VWC2: variants seen among roughly 807,000 people sequenced by gnomAD.
VWC2 encodes von Willebrand factor C domain containing 2.
Under a neutral mutation model 29.8 loss-of-function variants are expected in VWC2, and 14 were observed. The observed-to-expected ratio is 0.47, with a 90% CI of 0.31 to 0.74. The LOEUF (loss-of-function observed/expected upper bound fraction) is 0.74, where lower values mean the gene tolerates loss of function less well. Ranked by LOEUF, VWC2 falls within the 30% of genes least tolerant of loss-of-function variation. The pLI, the probability that VWC2 is intolerant of heterozygous loss-of-function variation, is 0.05. For missense variants in VWC2, 457 were observed against 459.8 expected, an observed-to-expected ratio of 0.99 and a Z score of 0.05; for synonymous variants, 213 against 199.0, an observed-to-expected ratio of 1.07 and a Z score of -0.59.
Position 49,775,744 on chromosome 7 carries a change from C to G in VWC2, c.309C>G (p.Gly103=), listed in dbSNP as rs922960183. ...LKQAWVSQGG[G]AKAGDLQVRP... ...AGGCCTGGGTCTCCCAGGGCGGGGG[C>G]GCCAAGGCCGGGGATCTGCAGGTCC... The change falls in exon 2 of 4, where the codon GGC becomes GGG. Residue 103 remains glycine, a synonymous_variant. Transcript: ENST00000340652. The G allele has an allele frequency of 1.3e-6, 2 of 1,510,936 alleles. No individual in the cohort carries two copies. The highest frequency in any genetic ancestry group is 1.8e-6 in the Non-Finnish European group (2 of 1,133,014). 93.6% of individuals were successfully genotyped at this position (1,510,936 alleles called of 1,614,324 possible).
chr7:49,881,407 G>A (rs1311748902), intron 3 of VWC2, among the ~76,000 whole-genome samples: 1 of 152,150 alleles, frequency 6.6e-6, no homozygotes, highest in Admixed American at 6.6e-5. Context: ...AGTCTGGAAT[G>A]AATGATTTAA....
In VWC2 at chr7:49,909,378, G is replaced by A. The variant is rs1483323578; in HGVS notation, c.827-2656G>A. Reference sequence around the variant, plus strand: ...TCGAGCCAAAATATGAGTAATTAGGGAAATTTTAAACATAGGCACCATCCG... The same window carrying A: ...TCGAGCCAAAATATGAGTAATTAGGAAAATTTTAAACATAGGCACCATCCG... On this transcript the variant is annotated intron_variant, in intron 3 of 3. Coordinates refer to ENST00000340652, the MANE Select transcript of VWC2 (RefSeq NM_198570.5). Among the ~76,000 whole-genome samples, 3 of 152,014 alleles carry A rather than the reference G, an allele frequency of 2.0e-5. No homozygotes were observed. In the East Asian group the frequency reaches 5.8e-4, roughly 29 times the overall value.
At chr7:49,870,066 A>G (rs985231188) in intron 3 of VWC2, among the ~76,000 whole-genome samples, 4 of 152,226 alleles carry the variant, frequency 2.6e-5, no homozygotes, top group Non-Finnish European at 5.9e-5. Flanking sequence ...AGAAGACAGA[A>G]GTGTAGTACT....
chr7:49,775,832 C>T lies in VWC2; in HGVS notation c.397C>T (p.Pro133Ser). ...LAAAAQDAIG[P>S]ELAPTPEPPE... ...CGCAGCCGCCCAGGACGCGATTGGC[C>T]CGGAACTCGCGCCCACGCCCGAGCC... The change falls in exon 2 of 4, where the codon CCG becomes TCG. Residue 133 changes from proline to serine, a missense_variant. Transcript: ENST00000340652. 1 of 1,548,492 alleles carries T rather than the reference C, an allele frequency of 6.5e-7. No individual in the cohort carries two copies. The highest frequency in any genetic ancestry group is 8.7e-7 in the Non-Finnish European group (1 of 1,147,010).
At chr7:49,790,118 T>C (rs1238248052) in intron 2 of VWC2, among the ~76,000 whole-genome samples, 2 of 152,254 alleles carry the variant, frequency 1.3e-5, no homozygotes, top group East Asian at 3.8e-4. Flanking sequence ...ATATGAAGTG[T>C]AAACCCTGCC....
intron 2 of VWC2, among the ~76,000 whole-genome samples, chr7:49,782,540 G>A (rs917195231): frequency 7.1e-6 from 1 of 139,916 alleles, no homozygotes; most frequent in African/African-American, 2.5e-5. Context: ...TTTTCTAGTG[G>A]TTAAAAAAAA....
At chr7:49,880,969 A>G (rs1791636880) in intron 3 of VWC2, among the ~76,000 whole-genome samples, 1 of 152,140 alleles carries the variant, frequency 6.6e-6, no homozygotes, top group Non-Finnish European at 1.5e-5. Flanking sequence ...TGCTTTTTTA[A>G]AGAGTAAGCT....
chr7:49,782,224 C>A (rs572223257), intron 2 of VWC2, among the ~76,000 whole-genome samples: 19 of 152,282 alleles, frequency 1.2e-4, no homozygotes, highest in African/African-American at 3.6e-4. Context: ...GCTGACCACA[C>A]CCCCCTTGCA....
intron 3 of VWC2, among the ~76,000 whole-genome samples, chr7:49,866,713 T>C (rs905546142): frequency 1.3e-5 from 2 of 152,182 alleles, no homozygotes; most frequent in Non-Finnish European, 2.9e-5. Flanking sequence ...GGCAGTAACA[T>C]ACAAGCATCT....
chr7:49,872,934 A>G lies in VWC2; in HGVS notation c.827-39100A>G, dbSNP rs1429264699. ...TTGTCTCAAAAAAAAAAAAAAAAAAAAAAGAAAGAAAAAAATAAGAATTTG... is the reference window on the plus strand; with the variant it reads ...TTGTCTCAAAAAAAAAAAAAAAAAAGAAAGAAAGAAAAAAATAAGAATTTG... On this transcript the variant is annotated intron_variant, in intron 3 of 3. Coordinates refer to ENST00000340652, the MANE Select transcript of VWC2 (RefSeq NM_198570.5). 2.0e-3 allele frequency among the ~76,000 whole-genome samples: 301 copies of G among 148,654 alleles called. 2 individuals are homozygous for G. The highest frequency in any genetic ancestry group is 6.9e-3 in the African/African-American group (279 of 40,458).
chr7:49,806,111 G>C (rs1048340224), intron 3 of VWC2, among the ~76,000 whole-genome samples: 10 of 148,802 alleles, frequency 6.7e-5, no homozygotes, highest in African/African-American at 2.2e-4. Flanking sequence ...CCCCCACAAT[G>C]ATACAAACAG....
chr7:49,776,282 C>G (rs1363891375), intron 2 of VWC2, 151 bp downstream of exon 2: 2 of 688,756 alleles, frequency 2.9e-6, no homozygotes, highest in Non-Finnish European at 4.7e-6. Flanking sequence ...CATGACCTCT[C>G]TTTTTCAGGG....
intron 3 of VWC2, among the ~76,000 whole-genome samples, chr7:49,804,431 G>C (rs1178242515): frequency 6.6e-6 from 1 of 152,088 alleles, no homozygotes; most frequent in African/African-American, 2.4e-5. Flanking sequence ...CTGCATGTCG[G>C]GGGTACTGGA....
chr7:49,857,197 C>T (rs1228572196), intron 3 of VWC2, among the ~76,000 whole-genome samples: 1 of 152,052 alleles, frequency 6.6e-6, no homozygotes, highest in Non-Finnish European at 1.5e-5. Flanking sequence ...CCCCTACCCC[C>T]AACCCCTGGC....
chr7:49,907,634 C>T (rs932409078), intron 3 of VWC2, among the ~76,000 whole-genome samples: 1 of 152,124 alleles, frequency 6.6e-6, no homozygotes, highest in Admixed American at 6.5e-5. Context: ...TGGGACACAG[C>T]TTGGCTTTAT....
rs1413922189 is a variant in VWC2 at position 49,916,422 on chromosome 7, C to T, written c.*4237C>T. ...TTGAGTATTAGCCATTTTCAATGTC[C>T]AGTTCAAGTGCCATTGCTGGTAAGG... On this transcript the variant is annotated 3_prime_UTR_variant, in exon 4 of 4. Transcript: ENST00000340652. The T allele has an allele frequency of 6.6e-6, 1 of 152,172 alleles. No homozygotes were observed. Among genetic ancestry groups the T allele is most frequent in the Non-Finnish European group, 1.5e-5 (1 of 68,038 alleles). 9.4% of individuals were successfully genotyped at this position (152,172 alleles called of 1,614,324 possible).
In VWC2 at chr7:49,853,424, G is replaced by A. The variant is rs1790278354; in HGVS notation, c.826+50584G>A. ...CAGCCAGCCTATCTGTTCTGTGCCA[G>A]GAGCTCTGCTGGGCATCGGGGCATA... On this transcript the variant is annotated intron_variant, in intron 3 of 3. Coordinates refer to ENST00000340652, the MANE Select transcript of VWC2 (RefSeq NM_198570.5). 2.0e-5 allele frequency among the ~76,000 whole-genome samples: 3 copies of A among 152,202 alleles called. No individual in the cohort carries two copies. In the South Asian group the frequency reaches 6.2e-4, roughly 31 times the overall value.
At chr7:49,857,627 A>G (rs142658938) in intron 3 of VWC2, among the ~76,000 whole-genome samples, 2 of 152,298 alleles carry the variant, frequency 1.3e-5, no homozygotes, top group East Asian at 3.9e-4. Flanking sequence ...CAAAATGGCT[A>G]TTAACAAAAA....
At chr7:49,830,194 C>G (rs1213078208) in intron 3 of VWC2, among the ~76,000 whole-genome samples, 1 of 152,010 alleles carries the variant, frequency 6.6e-6, no homozygotes, top group Admixed American at 6.5e-5. Flanking sequence ...AGGAAGAAAT[C>G]TTAGGCATTA....
Sources: gnomAD v4.1 joint callset for allele counts (sites outside exome capture counted in the v4.1 genomes callset) on GRCh38, gnomAD v4.1.1 for gene constraint, MANE v1.5 for transcripts, NCBI Gene and HGNC (gene_info 2026-07-23, HGNC 2026-07-21) for gene names.